SLC9A9: variants seen among roughly 807,000 people sequenced by gnomAD.
SLC9A9 encodes solute carrier family 9 member A9.
SLC9A9 carries 62 observed loss-of-function variants against 77.8 expected under a neutral mutation model. That is an observed-to-expected ratio of 0.80 (90% CI 0.65 to 0.98). The LOEUF is 0.98. Among genes scored for constraint, SLC9A9 ranks in the 50% least tolerant of loss-of-function variants. The probability of loss-of-function intolerance (pLI) is 0.00; values close to 1 mark genes in which losing one functional copy is unlikely to be tolerated. For missense variants in SLC9A9, 775 were observed against 774.9 expected, an observed-to-expected ratio of 1.00 and a Z score of 0.00; for synonymous variants, 320 against 283.5, an observed-to-expected ratio of 1.13 and a Z score of -1.29.
intron 4 of SLC9A9, among the ~76,000 whole-genome samples, chr3:143,742,290 T>TA (rs1327905413): frequency 6.6e-6 from 1 of 152,108 alleles, no homozygotes; most frequent in Non-Finnish European, 1.5e-5. Flanking sequence ...AAGTTATCCT[T>TA]AAAAAACTCT....
intron 14 of SLC9A9, among the ~76,000 whole-genome samples, chr3:143,269,681 G>GT (rs1374958066): frequency 3.9e-5 from 6 of 152,086 alleles, no homozygotes; most frequent in East Asian, 3.9e-4. Context: ...CCTTATTTTA[G>GT]TTTTTTTGCT....
intron 4 of SLC9A9, among the ~76,000 whole-genome samples, chr3:143,776,482 C>T (rs973905221): frequency 2.0e-5 from 3 of 152,146 alleles, no homozygotes; most frequent in Non-Finnish European, 2.9e-5. Flanking sequence ...AACTCTAATG[C>T]ACTATAAAAT....
intron 9 of SLC9A9, among the ~76,000 whole-genome samples, chr3:143,533,780 T>C (rs1405053987): frequency 2.6e-5 from 4 of 152,234 alleles, no homozygotes; most frequent in African/African-American, 9.6e-5. Context: ...TGGCATTTCT[T>C]TGTTAATGAG....
chr3:143,348,443 T>C (rs1178567150), intron 14 of SLC9A9, among the ~76,000 whole-genome samples: 1 of 152,210 alleles, frequency 6.6e-6, no homozygotes, highest in Non-Finnish European at 1.5e-5. Flanking sequence ...CTTTATTTAC[T>C]ATATGCCATC....
intron 4 of SLC9A9, among the ~76,000 whole-genome samples, chr3:143,761,752 A>T (rs1034723758): frequency 3.9e-5 from 6 of 152,214 alleles, no homozygotes; most frequent in African/African-American, 1.4e-4. Flanking sequence ...GGGACTATAA[A>T]CTAGTTCAAC....
chr3:143,709,990 T>A (rs1934096039), intron 4 of SLC9A9, among the ~76,000 whole-genome samples: 1 of 152,216 alleles, frequency 6.6e-6, no homozygotes. Flanking sequence ...ATGTCCCACC[T>A]AATTTTAAAA....
At chr3:143,306,850 G>C (rs566902021) in intron 14 of SLC9A9, among the ~76,000 whole-genome samples, 1 of 152,252 alleles carries the variant, frequency 6.6e-6, no homozygotes, top group South Asian at 2.1e-4. Flanking sequence ...TCTCTTCTCA[G>C]CCCTGTCTTT....
chr3:143,751,258 A>G (rs911496329), intron 4 of SLC9A9, among the ~76,000 whole-genome samples: 1 of 152,186 alleles, frequency 6.6e-6, no homozygotes, highest in African/African-American at 2.4e-5. Flanking sequence ...ATCTCACCTT[A>G]AAACCACCAG....
At chr3:143,789,057 A>T (rs1040282569) in intron 4 of SLC9A9, among the ~76,000 whole-genome samples, 1 of 152,216 alleles carries the variant, frequency 6.6e-6, no homozygotes, top group Non-Finnish European at 1.5e-5. Flanking sequence ...TTTTGAAAAA[A>T]TAAATTCATT....
At chr3:143,638,246 T>C (rs2038558531) in intron 6 of SLC9A9, among the ~76,000 whole-genome samples, 1 of 152,222 alleles carries the variant, frequency 6.6e-6, no homozygotes, top group South Asian at 2.1e-4. Flanking sequence ...CTTAATGTCA[T>C]TAGATCAAAT....
chr3:143,385,806 A>G (rs1576462728), intron 12 of SLC9A9, among the ~76,000 whole-genome samples: 1 of 152,154 alleles, frequency 6.6e-6, no homozygotes, highest in East Asian at 1.9e-4. Flanking sequence ...CTCTCCCTCA[A>G]TGTTAAGCTA....
At chr3:143,348,615 C>CTT (rs2032366468) in intron 14 of SLC9A9, among the ~76,000 whole-genome samples, 1 of 152,148 alleles carries the variant, frequency 6.6e-6, no homozygotes, top group African/African-American at 2.4e-5. Context: ...AAGAAAGTAT[C>CTT]TTTTGTTTGG....
At chr3:143,759,771 G>A (rs537782316) in intron 4 of SLC9A9, among the ~76,000 whole-genome samples, 42 of 151,946 alleles carry the variant, frequency 2.8e-4, no homozygotes, top group African/African-American at 9.9e-4. Flanking sequence ...ACTATCCTAA[G>A]CACTTGTCTC....
In SLC9A9 at chr3:143,495,442, C is replaced by G. The variant is rs941659371; in HGVS notation, c.1096G>C (p.Glu366Gln). Residue 366 changes from glutamate to glutamine, a missense_variant, in exon 10 of 16, where the codon GAA becomes CAA. Transcript: ENST00000316549. Reference protein sequence around the residue: ...DSKIRTKQLFEFMNFLAENVI... With the variant: ...DSKIRTKQLFQFMNFLAENVI... ...TTCTCCGCCAAAAAGTTCATAAATT[C>G]AAACAACTGAAACAAAACATAAAAC... is the stretch of plus-strand genomic sequence containing the variant. 5.0e-6 allele frequency: 8 copies of G among 1,611,744 alleles called. No individual in the cohort carries two copies. Among genetic ancestry groups the G allele is most frequent in the Non-Finnish European group, 6.8e-6 (8 of 1,178,016 alleles).
intron 1 of SLC9A9, among the ~76,000 whole-genome samples, chr3:143,835,444 C>T (rs1332898687): frequency 1.3e-5 from 2 of 152,246 alleles, no homozygotes; most frequent in Non-Finnish European, 2.9e-5. Flanking sequence ...GCAGCGGCAG[C>T]TGGAAAATCC....
chr3:143,840,878 T>C (rs556417283), intron 1 of SLC9A9, among the ~76,000 whole-genome samples: 9 of 152,336 alleles, frequency 5.9e-5, no homozygotes, highest in Admixed American at 4.6e-4. Flanking sequence ...GAGTTTCTGT[T>C]TCCTTATATG....
At chr3:143,586,322 C>T (rs147195546) in intron 6 of SLC9A9, among the ~76,000 whole-genome samples, 160 of 152,288 alleles carry the variant, frequency 1.1e-3, no homozygotes, top group South Asian at 4.4e-3. Flanking sequence ...GGAAAAGATC[C>T]ACAAGATCAT....
chr3:143,685,165 G>T (rs1372880441), intron 5 of SLC9A9, among the ~76,000 whole-genome samples: 1 of 151,896 alleles, frequency 6.6e-6, no homozygotes, highest in African/African-American at 2.4e-5. Context: ...TAATTTTATA[G>T]GATATTTTAT....
At chr3:143,431,939 C>T (rs548454579) in intron 12 of SLC9A9, among the ~76,000 whole-genome samples, 1 of 152,276 alleles carries the variant, frequency 6.6e-6, no homozygotes, top group African/African-American at 2.4e-5. Context: ...GCTCTTCCTC[C>T]TCCCAGTCTT....
Sources: gnomAD v4.1 joint callset for allele counts (sites outside exome capture counted in the v4.1 genomes callset) on GRCh38, gnomAD v4.1.1 for gene constraint, MANE v1.5 for transcripts, NCBI Gene and HGNC (gene_info 2026-07-23, HGNC 2026-07-21) for gene names.